The following LZTFL1 variants were observed in gnomAD, a reference collection of about 807,000 sequenced individuals.
LZTFL1 encodes the protein leucine zipper transcription factor like 1, also known as leucine zipper transcription factor-like protein 1.
In LZTFL1, 25 loss-of-function variants were observed where a neutral mutation model predicts 45.9. The observed-to-expected ratio is 0.54, with a 90% confidence interval of 0.40 to 0.76. The LOEUF is 0.76. LZTFL1 is among the 30% of genes least tolerant of loss of function. The pLI is 0.00. For missense variants in LZTFL1, 277 were observed against 331.1 expected, an observed-to-expected ratio of 0.84 and a Z score of 1.27; for synonymous variants, 93 against 117.4, an observed-to-expected ratio of 0.79 and a Z score of 1.35.
chr3:45,879,019 T>C (rs1259066781), intron 2 of LZTFL1, among the ~76,000 whole-genome samples: 1 of 152,194 alleles, frequency 6.6e-6, no homozygotes, highest in Non-Finnish European at 1.5e-5. Context: ...CACCAAATGC[T>C]GGTAATGATA....
At chr3:45,869,069 G>T (rs1163581388) in intron 2 of LZTFL1, among the ~76,000 whole-genome samples, 1 of 152,250 alleles carries the variant, frequency 6.6e-6, no homozygotes, top group Non-Finnish European at 1.5e-5. Flanking sequence ...AGAAGGCAGA[G>T]TGTCCCTCAG....
rs1702257123 is a variant in LZTFL1 at position 45,893,534 on chromosome 3, AG to A, written c.-215+19585del. Among the ~76,000 whole-genome samples the A allele has an allele frequency of 5.9e-5, 9 of 152,348 alleles. 1 individual carries two copies. The highest frequency in any genetic ancestry group is 5.9e-4 in the Admixed American group (9 of 15,302). On this transcript the variant is annotated intron_variant, in intron 2 of 4. Coordinates refer to the LZTFL1 transcript ENST00000472635. Reference sequence around the variant, plus strand: ...CAGTATAGATTAGTTTGCATTATTTAGAGTTTTATACAAGTGAAATCATACA... The same window carrying A: ...CAGTATAGATTAGTTTGCATTATTTAAGTTTTATACAAGTGAAATCATACA...
upstream of LZTFL1, among the ~76,000 whole-genome samples, chr3:45,844,874 C>G (rs921785219): frequency 1.6e-4 from 25 of 152,134 alleles, no homozygotes; most frequent in Non-Finnish European, 3.7e-4. Flanking sequence ...TAAAGCAGGT[C>G]AAGCAAGGAA....
chr3:45,833,750 C>T (rs148627249), intron 4 of LZTFL1, among the ~76,000 whole-genome samples: 7 of 152,278 alleles, frequency 4.6e-5, no homozygotes, highest in East Asian at 1.9e-4. Flanking sequence ...GGAGTATTTA[C>T]GGTGTGCCCG....
intron 2 of LZTFL1, among the ~76,000 whole-genome samples, chr3:45,894,677 C>T: frequency 6.6e-6 from 1 of 152,130 alleles, no homozygotes; most frequent in East Asian, 1.9e-4. Context: ...AGGTGACCCT[C>T]AGAGTCAAAG....
At chr3:45,834,520 T>C in intron 3 of LZTFL1, 1 of 410,132 alleles carries the variant, frequency 2.4e-6, no homozygotes, top group East Asian at 3.7e-5. Context: ...TTGTATCTAC[T>C]AGGTATGCAA....
intron 4 of LZTFL1, among the ~76,000 whole-genome samples, chr3:45,852,432 A>G (rs1424530436): frequency 6.6e-6 from 1 of 152,194 alleles, no homozygotes; most frequent in Non-Finnish European, 1.5e-5. Context: ...TGATCCTCTT[A>G]TGGGGGACTG....
chr3:45,826,196 G>A lies in LZTFL1; in HGVS notation c.*118C>T. ...GGAACTCTAGTTCTAAATATTCAAA[G>A]TCTAAATATTAGAAAAATAAGGAGA... On this transcript the variant is annotated 3_prime_UTR_variant, in exon 10 of 10. Transcript: ENST00000296135. The A allele has an allele frequency of 2.3e-6, 2 of 872,576 alleles. No individual in the cohort carries two copies. The highest frequency in any genetic ancestry group is 3.7e-6 in the Non-Finnish European group (2 of 539,618). The allele number at this position is 872,576 out of a possible 1,614,324, so 54.1% of individuals were successfully genotyped here.
intron 2 of LZTFL1, among the ~76,000 whole-genome samples, chr3:45,912,949 C>G (rs989312626): frequency 1.3e-5 from 2 of 152,194 alleles, no homozygotes; most frequent in Non-Finnish European, 2.9e-5. Context: ...TAATAAAGGT[C>G]TGAAGGTCAA....
chr3:45,852,747 G>C (rs1701327706), intron 4 of LZTFL1, among the ~76,000 whole-genome samples: 1 of 152,156 alleles, frequency 6.6e-6, no homozygotes, highest in South Asian at 2.1e-4. Context: ...AAGCAGACAG[G>C]CATTACTTTT....
intron 2 of LZTFL1, among the ~76,000 whole-genome samples, chr3:45,881,850 C>T (rs763894090): frequency 1.3e-5 from 2 of 152,226 alleles, no homozygotes; most frequent in Non-Finnish European, 2.9e-5. Flanking sequence ...TGTGAGCTAT[C>T]TAAGGCTAGA....
intron 2 of LZTFL1, among the ~76,000 whole-genome samples, chr3:45,861,462 C>G (rs568566073): frequency 2.6e-5 from 4 of 152,106 alleles, no homozygotes; most frequent in East Asian, 1.9e-4. Context: ...TGGCTGCTAG[C>G]CTACAATAAA....
chr3:45,862,650 G>T (rs1701509441), intron 2 of LZTFL1, among the ~76,000 whole-genome samples: 1 of 152,208 alleles, frequency 6.6e-6, no homozygotes, highest in Admixed American at 6.5e-5. Flanking sequence ...AATCTTACTT[G>T]CTGTAAGTAA....
At chr3:45,855,458 A>T (rs978466495) in intron 3 of LZTFL1, among the ~76,000 whole-genome samples, 5 of 152,246 alleles carry the variant, frequency 3.3e-5, no homozygotes, top group African/African-American at 1.2e-4. Context: ...CCAGTATCAT[A>T]CTGAATGGGC....
At chr3:45,883,774 A>C (rs1457820157) in intron 2 of LZTFL1, 1 of 565,558 alleles carries the variant, frequency 1.8e-6, no homozygotes, top group Non-Finnish European at 3.3e-6. Context: ...CCATGAACAC[A>C]GTCAGGAACA....
At chr3:45,831,264 T>A (rs961597758) in intron 5 of LZTFL1, 126 bp from the exon 6 acceptor site, 5 of 588,002 alleles carry the variant, frequency 8.5e-6, no homozygotes, top group Admixed American at 6.9e-5. Flanking sequence ...AATGTACTAC[T>A]GATATTTTGG....
At chr3:45,890,335 A>ATAAATAT (rs1553616543) in intron 2 of LZTFL1, among the ~76,000 whole-genome samples, 4 of 61,726 alleles carry the variant, frequency 6.5e-5, no homozygotes, top group African/African-American at 4.9e-4. Context: ...ATATATATAT[A>ATAAATAT]ACATATATAT....
chr3:45,838,525 C>T (rs546196518), intron 1 of LZTFL1, among the ~76,000 whole-genome samples: 5 of 152,330 alleles, frequency 3.3e-5, no homozygotes, highest in Non-Finnish European at 7.4e-5. Context: ...TTCTTCAAGC[C>T]ACTTAACCTT....
chr3:45,885,204 C>T (rs1024808303), intron 2 of LZTFL1, among the ~76,000 whole-genome samples: 3 of 152,204 alleles, frequency 2.0e-5, no homozygotes, highest in South Asian at 2.1e-4. Flanking sequence ...ATTGAGTCCT[C>T]GGGACAATCA....
Sources: allele counts gnomAD v4.1 joint callset (sites outside exome capture counted in the v4.1 genomes callset), GRCh38; gene constraint gnomAD v4.1.1; transcripts MANE v1.5; gene names NCBI Gene and HGNC (gene_info 2026-07-23, HGNC 2026-07-21).